The following TMEM132D variants were observed in gnomAD, a reference collection of about 807,000 sequenced individuals.
TMEM132D encodes mature OL transmembrane protein.
TMEM132D carries 21 observed loss-of-function variants against 62.3 expected under a neutral mutation model. The ratio of observed to expected loss-of-function variants is 0.34; its 90% CI spans 0.24 to 0.49. The LOEUF is 0.49. Among genes scored for constraint, TMEM132D ranks in the 20% least tolerant of loss-of-function variants. The pLI is 0.99. For synonymous variants in TMEM132D, 621 were observed against 575.6 expected, an observed-to-expected ratio of 1.08 and a Z score of -1.13; for missense variants, 1,346 against 1,402.8, an observed-to-expected ratio of 0.96 and a Z score of 0.65.
intron 2 of TMEM132D, among the ~76,000 whole-genome samples, chr12:129,698,535 G>A (rs1288642861): frequency 7.1e-5 from 3 of 41,964 alleles, no homozygotes; most frequent in Non-Finnish European, 1.5e-4. Context: ...AGGGGAGAGG[G>A]GAAGGGAGGG....
At chr12:129,260,225 A>G (rs1402244622) in intron 4 of TMEM132D, among the ~76,000 whole-genome samples, 3 of 152,184 alleles carry the variant, frequency 2.0e-5, no homozygotes, top group Non-Finnish European at 4.4e-5. Flanking sequence ...GGTGATACAG[A>G]AACTGAGAGA....
chr12:129,468,783 A>G (rs577452589), intron 3 of TMEM132D, among the ~76,000 whole-genome samples: 43 of 152,274 alleles, frequency 2.8e-4, no homozygotes, highest in Middle Eastern at 3.4e-3. Flanking sequence ...ACAGCCATAT[A>G]TTTCTAAGTG....
At chr12:129,274,146 T>C (rs1237611815) in intron 4 of TMEM132D, among the ~76,000 whole-genome samples, 1 of 151,834 alleles carries the variant, frequency 6.6e-6, no homozygotes, top group African/African-American at 2.4e-5. Context: ...GGAAGTCTTA[T>C]GCGCATGAGA....
chr12:129,835,018 G>A (rs907715771), intron 1 of TMEM132D, among the ~76,000 whole-genome samples: 31 of 152,140 alleles, frequency 2.0e-4, no homozygotes, highest in African/African-American at 7.0e-4. Context: ...AGGAAGCCAG[G>A]ATAGAGTGTA....
chr12:129,421,828 C>T (rs1008188606), intron 3 of TMEM132D, among the ~76,000 whole-genome samples: 13 of 152,118 alleles, frequency 8.5e-5, no homozygotes, highest in Admixed American at 3.9e-4. Flanking sequence ...AAGATAGACT[C>T]ATACAGGAAT....
intron 5 of TMEM132D, among the ~76,000 whole-genome samples, chr12:129,117,991 G>T (rs1300336608): frequency 6.6e-6 from 1 of 152,156 alleles, no homozygotes; most frequent in Non-Finnish European, 1.5e-5. Flanking sequence ...GAGCTCCCCA[G>T]CTCCCACCCT....
At chr12:129,901,874 C>CACAA (rs1875367693) in intron 1 of TMEM132D, among the ~76,000 whole-genome samples, 1 of 146,384 alleles carries the variant, frequency 6.8e-6, no homozygotes, top group Non-Finnish European at 1.5e-5. Context: ...CCCCCCGCCC[C>CACAA]AAAAAAAAAA....
chr12:129,393,450 G>A (rs1369083192), intron 3 of TMEM132D, among the ~76,000 whole-genome samples: 2 of 152,184 alleles, frequency 1.3e-5, no homozygotes, highest in Admixed American at 6.5e-5. Context: ...AGAATCACAG[G>A]GGCTGAAGGT....
chr12:129,775,561 TAACAAAGGGATGGAAGC>T (rs991275364), intron 1 of TMEM132D, among the ~76,000 whole-genome samples: 5 of 152,016 alleles, frequency 3.3e-5, no homozygotes, highest in African/African-American at 9.7e-5. Context: ...TGAGGCCAAC[TAACAAAGGGATGGAAGC>T]AACAAAGGGA....
At chr12:129,537,201 T>A (rs1399015574) in intron 2 of TMEM132D, among the ~76,000 whole-genome samples, 3 of 151,642 alleles carry the variant, frequency 2.0e-5, no homozygotes. Flanking sequence ...ATATAGGTTT[T>A]TATGTTTATA....
At chr12:129,811,930 C>A (rs1216608975) in intron 1 of TMEM132D, among the ~76,000 whole-genome samples, 1 of 151,676 alleles carries the variant, frequency 6.6e-6, no homozygotes, top group African/African-American at 2.4e-5. Context: ...CCTCCAGAGC[C>A]CACAGCTCAG....
chr12:129,305,513 C>A (rs1173274423), intron 4 of TMEM132D, among the ~76,000 whole-genome samples: 1 of 152,088 alleles, frequency 6.6e-6, no homozygotes, highest in East Asian at 1.9e-4. Flanking sequence ...CCCCCAAAAA[C>A]CCCACATGAA....
At chr12:129,708,741 AT>A (rs1289028732) in intron 1 of TMEM132D, among the ~76,000 whole-genome samples, 2 of 150,596 alleles carry the variant, frequency 1.3e-5, no homozygotes, top group Admixed American at 1.3e-4. Flanking sequence ...AGAGAACATT[AT>A]TTTTTGTCTA....
chr12:129,354,695 CA>C (rs1287422514), intron 3 of TMEM132D, among the ~76,000 whole-genome samples: 2 of 152,112 alleles, frequency 1.3e-5, no homozygotes, highest in Non-Finnish European at 2.9e-5. Context: ...GTAATCTTCA[CA>C]GTATTCCAAT....
rs547167529 is a variant in TMEM132D, at chr12:129,352,463, G to T, written c.1116-14646C>A. Among the ~76,000 whole-genome samples the T allele has an allele frequency of 1.7e-4, 25 of 145,924 alleles. No homozygotes were observed. The Middle Eastern group carries it at 0.011, about 64-fold the overall frequency. On this transcript the variant is annotated intron_variant, in intron 3 of 8. Coordinates refer to ENST00000422113, the MANE Select transcript of TMEM132D (RefSeq NM_133448.3). The stretch of plus-strand genomic sequence containing the variant: ...ACTTTTTTTTTTTTCTAGCATCAGA[G>T]TGAACAGGCAACCTACTGAATGGGA...
chr12:129,792,504 G>A (rs1262643706), intron 1 of TMEM132D, among the ~76,000 whole-genome samples: 5 of 152,050 alleles, frequency 3.3e-5, no homozygotes, highest in Admixed American at 6.6e-5. Context: ...TTCATCGTCC[G>A]GTACATATTT....
chr12:129,899,231 G>A lies in TMEM132D; in HGVS notation c.79+4030C>T, dbSNP rs560299478. On this transcript the variant is annotated intron_variant, in intron 1 of 8. Coordinates refer to ENST00000422113, the MANE Select transcript of TMEM132D (RefSeq NM_133448.3). The stretch of plus-strand genomic sequence containing the variant: ...TGGATGGGCAGACAGACAGATGGAA[G>A]GATGGATGGATGGATGGATGCACGG... 6.9e-5 allele frequency among the ~76,000 whole-genome samples: 10 copies of A among 144,792 alleles called. No individual in the cohort carries two copies. In the East Asian group the frequency reaches 1.4e-3, roughly 20 times the overall value. 95.0% of individuals were successfully genotyped at this position (144,792 alleles called of 152,430 possible).
intron 1 of TMEM132D, among the ~76,000 whole-genome samples, chr12:129,739,148 T>G (rs569276224): frequency 1.3e-5 from 2 of 152,178 alleles, no homozygotes; most frequent in Admixed American, 6.5e-5. Flanking sequence ...TTAGGCGGTA[T>G]AGTGAGGAGG....
intron 5 of TMEM132D, among the ~76,000 whole-genome samples, chr12:129,146,356 T>G (rs7313361): frequency 0.23 from 35,387 of 152,096 alleles, 4,287 homozygotes; most frequent in South Asian, 0.33. Flanking sequence ...TTCCTGCTTG[T>G]AATTCTCTCA....
Sources: allele counts gnomAD v4.1 joint callset (sites outside exome capture counted in the v4.1 genomes callset), GRCh38; gene constraint gnomAD v4.1.1; transcripts MANE v1.5; gene names NCBI Gene and HGNC (gene_info 2026-07-23, HGNC 2026-07-21).